The following ATP13A4 variants were observed in gnomAD, a reference collection of about 807,000 sequenced individuals.
ATP13A4 encodes the protein probable cation-transporting ATPase 13A4.
ATP13A4 carries 114 observed loss-of-function variants against 142.5 expected under a neutral mutation model. That is an observed-to-expected ratio of 0.80 (90% CI 0.69 to 0.93). The LOEUF is 0.93. ATP13A4 is among the 40% of genes least tolerant of loss of function. The pLI is 0.00. For synonymous variants in ATP13A4, 488 were observed against 514.8 expected (o/e 0.95, Z 0.70); for missense variants, 1,392 against 1,454.0 (o/e 0.96, Z 0.69).
chr3:193,478,319 G>T (rs951219320), intron 8 of ATP13A4, among the ~76,000 whole-genome samples: 4 of 151,624 alleles, frequency 2.6e-5, no homozygotes, highest in African/African-American at 9.7e-5. Context: ...GCCCACAAAA[G>T]ATAAATTAAA....
At chr3:193,452,354 A>G (rs1375007715) in intron 17 of ATP13A4, among the ~76,000 whole-genome samples, 1 of 152,170 alleles carries the variant, frequency 6.6e-6, no homozygotes, top group African/African-American at 2.4e-5. Flanking sequence ...TAAGTTGATC[A>G]AATTACAACA....
intron 1 of ATP13A4, among the ~76,000 whole-genome samples, chr3:193,544,061 T>C (rs1360811983): frequency 6.6e-6 from 1 of 152,098 alleles, no homozygotes; most frequent in Non-Finnish European, 1.5e-5. Flanking sequence ...TTTGGCAGCA[T>C]AGGTCTGAAG....
chr3:193,486,878 T>C (rs1239952567), intron 7 of ATP13A4, among the ~76,000 whole-genome samples: 1 of 152,116 alleles, frequency 6.6e-6, no homozygotes, highest in Non-Finnish European at 1.5e-5. Flanking sequence ...AGTTAGAAAA[T>C]AATGTAATTA....
chr3:193,411,038 C>T lies in ATP13A4; in HGVS notation c.3241G>A (p.Gly1081Ser), dbSNP rs926818774. 3 of 1,610,842 alleles carry T rather than the reference C, an allele frequency of 1.9e-6. No individual in the cohort carries two copies. Among genetic ancestry groups the T allele is most frequent in the African/African-American group, 1.3e-5 (1 of 74,812 alleles). Reference protein sequence around the residue: ...IFVLVLIIQLGVCLFILFADI... With the variant: ...IFVLVLIIQLSVCLFILFADI... ...GCAAATAGAATGAATAGACATACACCAAGCTGTATTATCAGCACAAGGACA... is the reference window on the plus strand; with the variant it reads ...GCAAATAGAATGAATAGACATACACTAAGCTGTATTATCAGCACAAGGACA... Residue 1081 changes from glycine (G) to serine (S), a missense_variant, in exon 28 of 30, where the codon GGT becomes AGT. Transcript: ENST00000342695.
chr3:193,426,806 T>TG (rs1438224233), intron 25 of ATP13A4, among the ~76,000 whole-genome samples: 1 of 151,686 alleles, frequency 6.6e-6, no homozygotes, highest in East Asian at 1.9e-4. Flanking sequence ...GTAAGGAACT[T>TG]GGACCTCTAC....
At position 193,544,547 on chromosome 3, in the gene ATP13A4, A is replaced by T. The variant is rs1239662620; in HGVS notation, c.60+10193T>A. Among the ~76,000 whole-genome samples, 6 of 152,342 alleles carry T rather than the reference A, an allele frequency of 3.9e-5. No homozygotes were observed. The East Asian group carries it at 9.7e-4, about 25-fold the overall frequency. ...CCCAGGAGGATACCACTGGGAGAGA[A>T]ACAGGAGCACAAAGAGAGACCACTT... On this transcript the variant is annotated intron_variant, in intron 1 of 29. Coordinates refer to ENST00000342695, the MANE Select transcript of ATP13A4 (RefSeq NM_032279.4).
intron 2 of ATP13A4, among the ~76,000 whole-genome samples, chr3:193,513,716 CAG>C (rs906606722): frequency 5.3e-5 from 8 of 152,234 alleles, no homozygotes; most frequent in South Asian, 2.1e-4. Flanking sequence ...CTTTTATTAA[CAG>C]AGAGAGGCAA....
chr3:193,452,586 T>C (rs1485394925), intron 17 of ATP13A4, among the ~76,000 whole-genome samples: 1 of 150,230 alleles, frequency 6.7e-6, no homozygotes, highest in African/African-American at 2.4e-5. Context: ...TTTTTTTTTT[T>C]TTTGCATCTA....
At chr3:193,439,092 A>T (rs1254700336) in intron 21 of ATP13A4, 27 bp from the exon 22 acceptor site, 1 of 1,572,388 alleles carries the variant, frequency 6.4e-7, no homozygotes, top group Non-Finnish European at 8.8e-7. Flanking sequence ...TTAATTGTAG[A>T]TGAGATCAAA....
chr3:193,524,784 T>C (rs1320627729), intron 1 of ATP13A4, among the ~76,000 whole-genome samples: 1 of 152,188 alleles, frequency 6.6e-6, no homozygotes, highest in Non-Finnish European at 1.5e-5. Flanking sequence ...GTTATTCAAA[T>C]ATAAGTTGTT....
chr3:193,536,912 ACTTATATGC>A (rs1722618329), intron 1 of ATP13A4, among the ~76,000 whole-genome samples: 1 of 152,082 alleles, frequency 6.6e-6, no homozygotes, highest in African/African-American at 2.4e-5. Context: ...CACCTACAGA[ACTTATATGC>A]CAAAAACTAT....
chr3:193,510,830 T>A (rs1721105056), intron 2 of ATP13A4, among the ~76,000 whole-genome samples: 1 of 152,144 alleles, frequency 6.6e-6, no homozygotes, highest in African/African-American at 2.4e-5. Context: ...GATTTTTTAA[T>A]AACATGAAGA....
chr3:193,526,097 T>A (rs1365427126), intron 1 of ATP13A4, among the ~76,000 whole-genome samples: 1 of 152,160 alleles, frequency 6.6e-6, no homozygotes, highest in Non-Finnish European at 1.5e-5. Flanking sequence ...CCATATCATT[T>A]ATGAAATGAT....
intron 1 of ATP13A4, among the ~76,000 whole-genome samples, chr3:193,549,302 CAA>C (rs199972539): frequency 7.2e-6 from 1 of 138,186 alleles, no homozygotes. Context: ...TTCATCACAG[CAA>C]AAAAAAAAAA....
chr3:193,548,433 C>T (rs1206551968), intron 1 of ATP13A4, among the ~76,000 whole-genome samples: 2 of 152,140 alleles, frequency 1.3e-5, no homozygotes, highest in African/African-American at 2.4e-5. Flanking sequence ...AAATTTATAT[C>T]GAAGATGAGT....
chr3:193,580,393 G>C (rs1447272987), intron 2 of ATP13A4, among the ~76,000 whole-genome samples: 1 of 152,212 alleles, frequency 6.6e-6, no homozygotes, highest in East Asian at 1.9e-4. Flanking sequence ...TACCACCAAG[G>C]ATTCTTAGGA....
intron 15 of ATP13A4, 22 bp downstream of exon 15, chr3:193,457,357 G>A: frequency 1.2e-6 from 2 of 1,612,410 alleles, no homozygotes; most frequent in Non-Finnish European, 1.7e-6. Context: ...GTGTTGTGGG[G>A]TGAAGAGCAA....
chr3:193,576,294 T>G (rs921283734), intron 2 of ATP13A4, among the ~76,000 whole-genome samples: 1 of 123,844 alleles, frequency 8.1e-6, no homozygotes, highest in Non-Finnish European at 1.6e-5. Context: ...AGACGGAGTC[T>G]CGCTCTGTCG....
At chr3:193,487,667 A>G (rs2108661756) in intron 7 of ATP13A4, among the ~76,000 whole-genome samples, 1 of 152,296 alleles carries the variant, frequency 6.6e-6, no homozygotes, top group Admixed American at 6.5e-5. Flanking sequence ...TAGTGTGCCT[A>G]GCTTATGACT....
Sources: allele counts gnomAD v4.1 joint callset (sites outside exome capture counted in the v4.1 genomes callset), GRCh38; gene constraint gnomAD v4.1.1; transcripts MANE v1.5; gene names NCBI Gene and HGNC (gene_info 2026-07-23, HGNC 2026-07-21).